Variants in CENPP observed in about 807,000 individuals in gnomAD.
CENPP encodes the protein centromere protein P.
In CENPP, 24 loss-of-function variants were observed where a neutral mutation model predicts 35.6. That is an observed-to-expected ratio of 0.67 (90% CI 0.49 to 0.95). CENPP has a LOEUF of 0.95. CENPP is among the 40% of genes least tolerant of loss of function. The probability of loss-of-function intolerance (pLI) is 0.00; values close to 1 mark genes in which losing one functional copy is unlikely to be tolerated. For missense variants in CENPP, 332 were observed against 345.3 expected (o/e 0.96, Z 0.31); for synonymous variants, 120 against 125.5 (o/e 0.96, Z 0.29).
intron 5 of CENPP, among the ~76,000 whole-genome samples, chr9:92,444,321 A>G (rs1025847773): frequency 3.3e-5 from 5 of 152,104 alleles, no homozygotes; most frequent in African/African-American, 9.7e-5. Context: ...AGAAATGTCA[A>G]TTTAGATCCT....
chr9:92,619,422 A>G lies in CENPP; in HGVS notation c.*6273A>G, dbSNP rs879036555. The G allele has an allele frequency of 3.4e-5, 45 of 1,304,978 alleles. No homozygotes were observed. Among genetic ancestry groups the G allele is most frequent in the Non-Finnish European group, 4.0e-5 (37 of 923,006 alleles). The allele number at this position is 1,304,978 out of a possible 1,614,324, so 80.8% of individuals were successfully genotyped here. ...GGGGAAACCAACTATCCTATTAACA[A>G]TTCACCAACTGTCCATAAAACCCCG... On this transcript the variant is annotated 3_prime_UTR_variant, in exon 8 of 8. Transcript: ENST00000375587.
chr9:92,340,205 C>T (rs1344851286), intron 3 of CENPP: 1 of 152,402 alleles, frequency 6.6e-6, no homozygotes, highest in Non-Finnish European at 1.5e-5. Flanking sequence ...CAGAATTAGT[C>T]TTGTCCTTGA....
Position 92,500,593 on chromosome 9 carries a change from A to C in CENPP, c.565-110721A>C, listed in dbSNP as rs191625644. On this transcript the variant is annotated intron_variant, in intron 5 of 7. Coordinates refer to ENST00000375587, the MANE Select transcript of CENPP (RefSeq NM_001012267.3). Reference sequence around the variant, plus strand: ...CTTTGGTAATTACTAACATTTGCCAATCTTGTTTAATCCAACCCCTTAGCA... The same window carrying C: ...CTTTGGTAATTACTAACATTTGCCACTCTTGTTTAATCCAACCCCTTAGCA... 5.3e-4 allele frequency: 440 copies of C among 830,762 alleles called. No individual in the cohort carries two copies. The African/African-American group carries it at 7.0e-3, about 13-fold the overall frequency. The allele number at this position is 830,762 out of a possible 1,614,324, so 51.5% of individuals were successfully genotyped here.
intron 5 of CENPP, chr9:92,474,933 C>T (rs781316611): frequency 6.4e-7 from 1 of 1,559,194 alleles, no homozygotes; most frequent in Non-Finnish European, 8.6e-7. Context: ...TAGGACTAAA[C>T]AGACATGGGA....
intron 4 of CENPP, among the ~76,000 whole-genome samples, chr9:92,363,814 T>C (rs1241534635): frequency 6.6e-6 from 1 of 152,120 alleles, no homozygotes; most frequent in Non-Finnish European, 1.5e-5. Flanking sequence ...AACAAAGTTA[T>C]TCATTTGCTC....
intron 5 of CENPP, chr9:92,389,720 T>A (rs1418976023): frequency 1.6e-6 from 1 of 614,694 alleles, no homozygotes; most frequent in African/African-American, 1.9e-5. Context: ...TTATTTATTA[T>A]GTAAATAATG....
intron 5 of CENPP, among the ~76,000 whole-genome samples, chr9:92,409,722 A>G (rs1243715342): frequency 6.6e-6 from 1 of 152,238 alleles, no homozygotes; most frequent in Non-Finnish European, 1.5e-5. Flanking sequence ...TTAACCTATT[A>G]GCTAACATAA....
rs1844476420 is a variant in CENPP, at chr9:92,443,595, G to A, written c.564+63736G>A. Among the ~76,000 whole-genome samples the A allele has an allele frequency of 3.3e-5, 5 of 152,090 alleles. No homozygotes were observed. In the South Asian group the frequency reaches 1.0e-3, roughly 32 times the overall value. On this transcript the variant is annotated intron_variant, in intron 5 of 7. Coordinates refer to ENST00000375587, the MANE Select transcript of CENPP (RefSeq NM_001012267.3). ...TCTGAAATTAATATGGAAATGCAAA[G>A]GACCTAGAATAACCAAGACAATCCT...
intron 5 of CENPP, among the ~76,000 whole-genome samples, chr9:92,508,362 TCACCCTGGCTTCCTGTCAA>T (rs1275664048): frequency 1.3e-5 from 2 of 152,210 alleles, no homozygotes; most frequent in Non-Finnish European, 2.9e-5. Flanking sequence ...GACAGCCCGT[TCACCCTGGCTTCCTGTCAA>T]CACTCTGGGA....
intron 5 of CENPP, chr9:92,465,015 G>T: frequency 6.2e-7 from 1 of 1,611,712 alleles, no homozygotes; most frequent in Non-Finnish European, 8.5e-7. Context: ...TTATCAAGAG[G>T]GTTTGCACTC....
At position 92,582,612 on chromosome 9, in the gene CENPP, A is replaced by T. The variant is rs564892731; in HGVS notation, c.565-28702A>T. Among the ~76,000 whole-genome samples, 3 of 151,998 alleles carry T rather than the reference A, an allele frequency of 2.0e-5. No individual in the cohort carries two copies. In the South Asian group the frequency reaches 6.2e-4, roughly 32 times the overall value. ...CTCTCTTTTATTATCTGTGTTCAATAACGGTGTCCTTTCTGGAAAAAAAAA... is the reference window on the plus strand; with the variant it reads ...CTCTCTTTTATTATCTGTGTTCAATTACGGTGTCCTTTCTGGAAAAAAAAA... On this transcript the variant is annotated intron_variant, in intron 5 of 7. Coordinates refer to ENST00000375587, the MANE Select transcript of CENPP (RefSeq NM_001012267.3).
chr9:92,434,913 G>A (rs1355079723), intron 5 of CENPP, among the ~76,000 whole-genome samples: 2 of 152,060 alleles, frequency 1.3e-5, no homozygotes, highest in South Asian at 2.1e-4. Flanking sequence ...TTAGTGGGGC[G>A]TGGTGGTGCA....
chr9:92,390,245 A>T (rs1364993526), intron 5 of CENPP, among the ~76,000 whole-genome samples: 1 of 152,158 alleles, frequency 6.6e-6, no homozygotes, highest in African/African-American at 2.4e-5. Context: ...CCTGAAATTG[A>T]TTCCCTTTCT....
chr9:92,604,652 G>A (rs1390492059), intron 5 of CENPP, among the ~76,000 whole-genome samples: 1 of 152,040 alleles, frequency 6.6e-6, no homozygotes. Flanking sequence ...TGGAGTACAA[G>A]AGCGTGATCT....
At chr9:92,576,711 G>T (rs1305932168) in intron 5 of CENPP, among the ~76,000 whole-genome samples, 1 of 151,864 alleles carries the variant, frequency 6.6e-6, no homozygotes, top group East Asian at 1.9e-4. Flanking sequence ...TATACATAAT[G>T]GCTTAAATAT....
intron 5 of CENPP, among the ~76,000 whole-genome samples, chr9:92,408,374 C>T (rs1277059674): frequency 6.6e-6 from 1 of 152,092 alleles, no homozygotes; most frequent in Non-Finnish European, 1.5e-5. Context: ...TCAGTAGAGA[C>T]AGGGTTTCAC....
chr9:92,532,015 G>GTTTTTTTTTATTTATT (rs1848800192), intron 5 of CENPP, among the ~76,000 whole-genome samples: 2 of 95,736 alleles, frequency 2.1e-5, no homozygotes, highest in Admixed American at 1.0e-4. Context: ...TTTATTTAAT[G>GTTTTTTTTTATTTATT]TTTTTTTTTT....
At chr9:92,534,455 A>C (rs1219948075) in intron 5 of CENPP, among the ~76,000 whole-genome samples, 1 of 152,222 alleles carries the variant, frequency 6.6e-6, no homozygotes, top group Non-Finnish European at 1.5e-5. Context: ...TCATGCCAGC[A>C]TACAAACCTT....
intron 5 of CENPP, among the ~76,000 whole-genome samples, chr9:92,412,021 A>G (rs977675400): frequency 7.9e-5 from 12 of 152,092 alleles, no homozygotes; most frequent in African/African-American, 2.9e-4. Flanking sequence ...TTTTATTGAG[A>G]TAAGTCACAT....
Sources: gnomAD v4.1 joint callset for allele counts (sites outside exome capture counted in the v4.1 genomes callset) on GRCh38, gnomAD v4.1.1 for gene constraint, MANE v1.5 for transcripts, NCBI Gene and HGNC (gene_info 2026-07-23, HGNC 2026-07-21) for gene names.